Variants in SLC24A2 observed in about 807,000 individuals in gnomAD.
SLC24A2 encodes the protein solute carrier family 24 member 2.
A neutral mutation model predicts 62.0 loss-of-function variants in SLC24A2; 36 were observed. That is an observed-to-expected ratio of 0.58 (90% confidence interval 0.44 to 0.77). The LOEUF (loss-of-function observed/expected upper bound fraction) is 0.77. Ranked by LOEUF, SLC24A2 falls within the 30% of genes least tolerant of loss-of-function variation. SLC24A2 has a pLI of 0.00. For missense variants in SLC24A2, 846 were observed against 817.9 expected, an observed-to-expected ratio of 1.03 and a Z score of -0.42; for synonymous variants, 358 against 294.0, an observed-to-expected ratio of 1.22 and a Z score of -2.23.
the SLC24A2 span, among the ~76,000 whole-genome samples, chr9:19,816,925 A>G: frequency 2.0e-5 from 3 of 152,128 alleles, no homozygotes; most frequent in Non-Finnish European, 4.4e-5. Flanking sequence ...ACAAACATAC[A>G]AACTATATCA....
intron 2 of SLC24A2, among the ~76,000 whole-genome samples, chr9:19,698,291 T>C (rs902684909): frequency 5.9e-5 from 9 of 152,104 alleles, no homozygotes; most frequent in African/African-American, 2.2e-4. Flanking sequence ...ACAAAAATAT[T>C]GTATAAAATC....
intron 2 of SLC24A2, among the ~76,000 whole-genome samples, chr9:19,712,142 G>A (rs1381209766): frequency 6.6e-6 from 1 of 152,208 alleles, no homozygotes; most frequent in Non-Finnish European, 1.5e-5. Flanking sequence ...ACAGAAAACG[G>A]CTCCAGAGAC....
chr9:19,715,932 T>A (rs2021972), intron 2 of SLC24A2, among the ~76,000 whole-genome samples: 23,661 of 152,160 alleles, frequency 0.16, 2,276 homozygotes, highest in Non-Finnish European at 0.22. Context: ...GAAGAAAAGT[T>A]TTCTCTCTTT....
chr9:20,099,651 T>C, the SLC24A2 span, among the ~76,000 whole-genome samples: 20 of 152,186 alleles, frequency 1.3e-4, no homozygotes, highest in African/African-American at 4.8e-4. Context: ...TTCCAGGGGA[T>C]GACCAAACAT....
intron 2 of SLC24A2, among the ~76,000 whole-genome samples, chr9:19,629,918 AT>A (rs1402755130): frequency 1.9e-4 from 29 of 152,324 alleles, no homozygotes; most frequent in African/African-American, 6.7e-4. Flanking sequence ...AACAGTAATT[AT>A]TTGATAATAT....
the SLC24A2 span, among the ~76,000 whole-genome samples, chr9:20,042,042 G>T: frequency 1.3e-5 from 2 of 152,208 alleles, no homozygotes; most frequent in Non-Finnish European, 2.9e-5. Flanking sequence ...CTGTCATCTT[G>T]TGGTGGGACA....
the SLC24A2 span, among the ~76,000 whole-genome samples, chr9:20,150,897 A>G: frequency 6.6e-6 from 1 of 151,920 alleles, no homozygotes; most frequent in African/African-American, 2.4e-5. Flanking sequence ...ACATAAACAA[A>G]TGGTTATTTT....
the SLC24A2 span, among the ~76,000 whole-genome samples, chr9:20,082,415 T>C: frequency 6.6e-6 from 1 of 152,256 alleles, no homozygotes; most frequent in Admixed American, 6.5e-5. Flanking sequence ...TCCAAGTTTA[T>C]TCAATGTCTA....
the SLC24A2 span, among the ~76,000 whole-genome samples, chr9:20,033,863 C>G: frequency 1.3e-5 from 2 of 152,222 alleles, no homozygotes; most frequent in East Asian, 3.9e-4. Context: ...GCCCTTAGGG[C>G]TGCTCTGCCT....
At chr9:20,056,008 A>C in the SLC24A2 span, among the ~76,000 whole-genome samples, 1 of 152,234 alleles carries the variant, frequency 6.6e-6, no homozygotes, top group Non-Finnish European at 1.5e-5. Flanking sequence ...AGTATTTAAA[A>C]ATTTAGAAAT....
the SLC24A2 span, among the ~76,000 whole-genome samples, chr9:20,189,356 G>C: frequency 6.6e-6 from 1 of 152,158 alleles, no homozygotes; most frequent in Non-Finnish European, 1.5e-5. Flanking sequence ...AGCTCTGGAG[G>C]CTTGGTGGGG....
chr9:19,561,375 T>G (rs779007932), intron 7 of SLC24A2, among the ~76,000 whole-genome samples: 1 of 152,166 alleles, frequency 6.6e-6, no homozygotes, highest in African/African-American at 2.4e-5. Flanking sequence ...CTGAAACATT[T>G]GTCTTGCCTT....
chr9:19,735,621 T>C (rs1182663), intron 2 of SLC24A2, among the ~76,000 whole-genome samples: 100,083 of 151,978 alleles, frequency 0.66, 33,241 homozygotes, highest in East Asian at 0.79. Context: ...TGTCCAACAA[T>C]GATAAGACTA....
intron 2 of SLC24A2, among the ~76,000 whole-genome samples, chr9:19,669,160 G>A (rs1362594832): frequency 2.0e-5 from 3 of 152,148 alleles, no homozygotes; most frequent in Non-Finnish European, 1.5e-5. Flanking sequence ...GGGTCTTCAG[G>A]TCTGAGTCCT....
chr9:19,545,828 C>T (rs925383718), intron 8 of SLC24A2, among the ~76,000 whole-genome samples: 2 of 151,982 alleles, frequency 1.3e-5, no homozygotes, highest in Non-Finnish European at 2.9e-5. Context: ...TTACTAGAGA[C>T]GGGTTTCACT....
chr9:19,881,846 C>T, the SLC24A2 span, among the ~76,000 whole-genome samples: 1 of 152,146 alleles, frequency 6.6e-6, no homozygotes, highest in South Asian at 2.1e-4. Context: ...AAGTGGTTGG[C>T]AATTTTGGTT....
intron 2 of SLC24A2, among the ~76,000 whole-genome samples, chr9:19,646,557 C>G (rs1482797951): frequency 6.6e-6 from 1 of 152,116 alleles, no homozygotes; most frequent in Non-Finnish European, 1.5e-5. Context: ...GTGCAGGCCT[C>G]AAATTGGGTG....
At chr9:19,551,337 T>A (rs1261157133) in intron 7 of SLC24A2, among the ~76,000 whole-genome samples, 3 of 152,170 alleles carry the variant, frequency 2.0e-5, no homozygotes, top group Non-Finnish European at 4.4e-5. Flanking sequence ...TGGCAGCCAA[T>A]GGCCAGCGTT....
the SLC24A2 span, among the ~76,000 whole-genome samples, chr9:19,795,978 G>C: frequency 6.6e-6 from 1 of 151,882 alleles, no homozygotes; most frequent in African/African-American, 2.4e-5. Flanking sequence ...GTAGGGACAT[G>C]GATGAAGCTG....
Sources: gnomAD v4.1 joint callset for allele counts (sites outside exome capture counted in the v4.1 genomes callset) on GRCh38, gnomAD v4.1.1 for gene constraint, MANE v1.5 for transcripts, NCBI Gene and HGNC (gene_info 2026-07-23, HGNC 2026-07-21) for gene names.